Variants in MDGA2 observed in about 807,000 individuals in gnomAD.
MDGA2 encodes MAM domain-containing glycosylphosphatidylinositol anchor protein 2.
A neutral mutation model predicts 117.8 loss-of-function variants in MDGA2; 40 were observed. The observed-to-expected ratio is 0.34, with a 90% CI of 0.26 to 0.44. The LOEUF is 0.44. Ranked by LOEUF, MDGA2 falls within the 20% of genes least tolerant of loss-of-function variation. The pLI is 1.00. For synonymous variants in MDGA2, 452 were observed against 439.0 expected (o/e 1.03, Z -0.37); for missense variants, 1,123 against 1,250.6 (o/e 0.90, Z 1.54).
chr14:47,650,938 A>C (rs1172955007), intron 1 of MDGA2, among the ~76,000 whole-genome samples: 1 of 152,152 alleles, frequency 6.6e-6, no homozygotes, highest in Non-Finnish European at 1.5e-5. Context: ...TTCACCAAAA[A>C]TTGGGTAAAT....
rs528320999 is a variant in MDGA2 at position 47,189,804 on chromosome 14, G to A, written c.595+28217C>T. On this transcript the variant is annotated intron_variant, in intron 3 of 16. Coordinates refer to ENST00000399232, the MANE Select transcript of MDGA2 (RefSeq NM_001113498.3). Reference sequence around the variant, plus strand: ...AATTAAAGAGGTATTTAATCACTTTGTCAGGTAGGAGATGGACTTAATATA... The same window carrying A: ...AATTAAAGAGGTATTTAATCACTTTATCAGGTAGGAGATGGACTTAATATA... Among the ~76,000 whole-genome samples the A allele has an allele frequency of 6.6e-5, 10 of 152,246 alleles. No homozygotes were observed. In the South Asian group the frequency reaches 1.7e-3, roughly 25 times the overall value.
intron 2 of MDGA2, among the ~76,000 whole-genome samples, chr14:47,279,795 A>G (rs567823803): frequency 2.3e-4 from 35 of 152,176 alleles, no homozygotes; most frequent in South Asian, 1.2e-3. Context: ...AAAAAATTCA[A>G]ATGATATGTT....
intron 5 of MDGA2, among the ~76,000 whole-genome samples, chr14:47,103,343 A>C (rs1028539508): frequency 1.3e-5 from 2 of 152,214 alleles, no homozygotes; most frequent in Non-Finnish European, 2.9e-5. Context: ...TTTCATTGAA[A>C]TATAAGTAGC....
At chr14:46,996,681 C>T (rs1204989656) in intron 8 of MDGA2, 1 of 154,772 alleles carries the variant, frequency 6.5e-6, no homozygotes, top group Admixed American at 6.5e-5. Context: ...GATGACACAA[C>T]AGTTGCATCA....
At chr14:47,600,739 AG>A (rs1335487806) in intron 1 of MDGA2, among the ~76,000 whole-genome samples, 2 of 151,774 alleles carry the variant, frequency 1.3e-5, no homozygotes, top group Admixed American at 1.3e-4. Context: ...AAAAAAAAGT[AG>A]GGAAGAGTGC....
chr14:47,502,018 G>A (rs1313867094), intron 1 of MDGA2, among the ~76,000 whole-genome samples: 1 of 152,028 alleles, frequency 6.6e-6, no homozygotes, highest in Non-Finnish European at 1.5e-5. Flanking sequence ...TGAAAGAGAA[G>A]AAATAAGATG....
At chr14:47,370,975 A>G (rs1055728015) in intron 1 of MDGA2, among the ~76,000 whole-genome samples, 2 of 151,868 alleles carry the variant, frequency 1.3e-5, no homozygotes, top group East Asian at 3.9e-4. Context: ...TTCTACACCT[A>G]GTTGATAGCA....
At chr14:47,279,689 T>C (rs1888413802) in intron 2 of MDGA2, among the ~76,000 whole-genome samples, 1 of 152,090 alleles carries the variant, frequency 6.6e-6, no homozygotes, top group African/African-American at 2.4e-5. Context: ...TCTAGTATTT[T>C]CATTCCTTTT....
At chr14:47,651,247 TG>T (rs1566559313) in intron 1 of MDGA2, among the ~76,000 whole-genome samples, 34 of 148,486 alleles carry the variant, frequency 2.3e-4, no homozygotes, top group South Asian at 4.2e-4. Context: ...TGTGTGTGTG[TG>T]TGTATACCCA....
chr14:47,148,371 G>A (rs1179002489), intron 3 of MDGA2, among the ~76,000 whole-genome samples: 1 of 152,158 alleles, frequency 6.6e-6, no homozygotes, highest in African/African-American at 2.4e-5. Flanking sequence ...AGAAAAAGCA[G>A]CATATAATAA....
chr14:46,972,227 A>G (rs976132284), intron 8 of MDGA2, among the ~76,000 whole-genome samples: 8 of 152,178 alleles, frequency 5.3e-5, no homozygotes, highest in Admixed American at 3.3e-4. Flanking sequence ...TGAATTGTTG[A>G]ATACCCAGTT....
Position 46,882,085 on chromosome 14 carries a change from A to G in MDGA2, c.2375T>C (p.Phe792Ser). 1.9e-6 allele frequency: 3 copies of G among 1,610,966 alleles called. No homozygotes were observed. Among genetic ancestry groups the G allele is most frequent in the East Asian group, 4.5e-5 (2 of 44,718 alleles). ...YEVRLTPLTK[F>S]GEGDSTIRVI... ...ACGAATTGTTGAATCTCCTTCACCA[A>G]ATTTGGTGAGAGGAGTCAGTCGGAC... is the stretch of plus-strand genomic sequence containing the variant. The change falls in exon 11 of 17, where the codon TTT becomes TCT. Residue 792 changes from phenylalanine to serine, a missense_variant. By Grantham distance (155) the Phe-to-Ser change is radical. Transcript: ENST00000399232.
chr14:47,134,936 G>A lies in MDGA2; in HGVS notation c.793-3090C>T, dbSNP rs984506981. The stretch of plus-strand genomic sequence containing the variant: ...AAATAATGAACATTGTCATTTAGAT[G>A]TATATTTAATAATAAAGTCTCTTTA... On this transcript the variant is annotated intron_variant, in intron 4 of 16. Transcript: ENST00000399232. Among the ~76,000 whole-genome samples, 5 of 151,980 alleles carry A rather than the reference G, an allele frequency of 3.3e-5. No homozygotes were observed. The East Asian group carries it at 9.7e-4, about 29-fold the overall frequency.
intron 1 of MDGA2, among the ~76,000 whole-genome samples, chr14:47,569,477 A>G (rs1295241059): frequency 6.6e-6 from 1 of 152,154 alleles, no homozygotes; most frequent in Non-Finnish European, 1.5e-5. Context: ...TCTCTCATTG[A>G]CTATGAAGAA....
chr14:47,307,972 G>A (rs868407284), intron 1 of MDGA2, among the ~76,000 whole-genome samples: 1 of 152,066 alleles, frequency 6.6e-6, no homozygotes, highest in Admixed American at 6.6e-5. Flanking sequence ...AGAGGTAGAA[G>A]GAGAACAAAG....
chr14:47,018,416 G>T (rs894411019), intron 8 of MDGA2, among the ~76,000 whole-genome samples: 1 of 152,044 alleles, frequency 6.6e-6, no homozygotes, highest in Non-Finnish European at 1.5e-5. Flanking sequence ...TGGGAACACT[G>T]ATAATTCATT....
chr14:47,467,860 T>A (rs1258229501), intron 1 of MDGA2, among the ~76,000 whole-genome samples: 1 of 152,148 alleles, frequency 6.6e-6, no homozygotes, highest in African/African-American at 2.4e-5. Context: ...GACCCATACA[T>A]TTTAACTCTG....
At chr14:47,259,029 T>G (rs7142295) in intron 2 of MDGA2, among the ~76,000 whole-genome samples, 66,562 of 151,850 alleles carry the variant, frequency 0.44, 15,579 homozygotes, top group East Asian at 0.84. Context: ...CACCTTAGTT[T>G]CAGAAGAATC....
chr14:46,984,927 T>C (rs976540412), intron 8 of MDGA2, among the ~76,000 whole-genome samples: 6 of 152,114 alleles, frequency 3.9e-5, no homozygotes, highest in African/African-American at 1.2e-4. Context: ...AAGTAGGCAC[T>C]TGCTGAATTT....
Sources: allele counts gnomAD v4.1 joint callset (sites outside exome capture counted in the v4.1 genomes callset), GRCh38; gene constraint gnomAD v4.1.1; transcripts MANE v1.5; gene names NCBI Gene and HGNC (gene_info 2026-07-23, HGNC 2026-07-21).